NLGN1: variants seen among roughly 807,000 people sequenced by gnomAD.
NLGN1 encodes the protein neuroligin 1.
NLGN1 carries 12 observed loss-of-function variants against 65.5 expected under a neutral mutation model. That is an observed-to-expected ratio of 0.18 (90% CI 0.12 to 0.30). NLGN1 has a LOEUF of 0.30. NLGN1 is among the 10% of genes least tolerant of loss of function. The pLI, the probability that NLGN1 is intolerant of heterozygous loss-of-function variation, is 1.00. For missense variants in NLGN1, 750 were observed against 1,007.1 expected (o/e 0.74, Z 3.46); for synonymous variants, 350 against 359.5 (o/e 0.97, Z 0.30).
At chr3:173,788,833 T>TAAAAA (rs3979635) in intron 3 of NLGN1, among the ~76,000 whole-genome samples, 2 of 53,536 alleles carry the variant, frequency 3.7e-5, no homozygotes, top group African/African-American at 6.9e-5. Flanking sequence ...AGACCTCATT[T>TAAAAA]AAAAAAAAAA....
At chr3:174,175,647 A>C (rs950054718) in intron 4 of NLGN1, among the ~76,000 whole-genome samples, 5 of 151,936 alleles carry the variant, frequency 3.3e-5, no homozygotes, top group Non-Finnish European at 7.4e-5. Flanking sequence ...ATTCCATCTC[A>C]CACACACTGA....
chr3:174,147,472 T>C (rs898402773), intron 4 of NLGN1, among the ~76,000 whole-genome samples: 1 of 145,916 alleles, frequency 6.9e-6, no homozygotes, highest in African/African-American at 2.6e-5. Flanking sequence ...TTGCTCTTTT[T>C]GCTCAGGCTG....
intron 4 of NLGN1, among the ~76,000 whole-genome samples, chr3:174,206,730 A>T (rs887980167): frequency 6.6e-6 from 1 of 152,170 alleles, no homozygotes; most frequent in South Asian, 2.1e-4. Flanking sequence ...TATTCTGAAG[A>T]CCTGTGTGGA....
chr3:174,263,167 T>C (rs1363544633), intron 4 of NLGN1, among the ~76,000 whole-genome samples: 2 of 150,780 alleles, frequency 1.3e-5, no homozygotes, highest in Non-Finnish European at 2.9e-5. Context: ...TTCTGTTGAT[T>C]TGGGAGGGAG....
intron 4 of NLGN1, among the ~76,000 whole-genome samples, chr3:174,248,880 A>G (rs534122249): frequency 2.3e-4 from 35 of 152,336 alleles, no homozygotes; most frequent in African/African-American, 8.2e-4. Context: ...CCAATATACA[A>G]TTTTCATATT....
chr3:173,936,531 G>A (rs1008292597), intron 4 of NLGN1, among the ~76,000 whole-genome samples: 1 of 151,970 alleles, frequency 6.6e-6, no homozygotes, highest in African/African-American at 2.4e-5. Context: ...GGCAACCCTT[G>A]GACGTTATTA....
intron 5 of NLGN1, among the ~76,000 whole-genome samples, chr3:174,277,819 G>A (rs1461353700): frequency 2.0e-5 from 3 of 151,728 alleles, no homozygotes; most frequent in Admixed American, 6.6e-5. Flanking sequence ...ACACCTTTGT[G>A]AAAAGAGTTT....
At chr3:173,619,506 A>C (rs1345065776) in intron 3 of NLGN1, among the ~76,000 whole-genome samples, 1 of 152,212 alleles carries the variant, frequency 6.6e-6, no homozygotes, top group Non-Finnish European at 1.5e-5. Context: ...AATCATTATT[A>C]TAATAGCTAC....
intron 4 of NLGN1, among the ~76,000 whole-genome samples, chr3:174,091,554 G>A (rs954809108): frequency 6.6e-6 from 1 of 152,126 alleles, no homozygotes; most frequent in African/African-American, 2.4e-5. Flanking sequence ...ACAAATTAAC[G>A]AAGAGGTCAT....
At chr3:173,715,289 A>G (rs534664150) in intron 3 of NLGN1, among the ~76,000 whole-genome samples, 2 of 152,326 alleles carry the variant, frequency 1.3e-5, no homozygotes, top group South Asian at 2.1e-4. Flanking sequence ...CTCATGTTCC[A>G]TGGCCTTTAA....
intron 4 of NLGN1, among the ~76,000 whole-genome samples, chr3:174,134,295 G>A (rs1720793797): frequency 6.6e-6 from 1 of 152,150 alleles, no homozygotes; most frequent in Non-Finnish European, 1.5e-5. Flanking sequence ...AAAACCAACA[G>A]CGCTTTTGTG....
At chr3:173,445,028 GGAGGCC>G (rs1221481321) in intron 2 of NLGN1, among the ~76,000 whole-genome samples, 1 of 151,768 alleles carries the variant, frequency 6.6e-6, no homozygotes, top group African/African-American at 2.4e-5. Flanking sequence ...CAGCACTTTG[GGAGGCC>G]GAGGCGGGCG....
intron 1 of NLGN1, among the ~76,000 whole-genome samples, chr3:173,414,437 A>G (rs1317396679): frequency 6.6e-6 from 1 of 152,166 alleles, no homozygotes; most frequent in Non-Finnish European, 1.5e-5. Flanking sequence ...GACTTAAGTA[A>G]GGGGTCAGTG....
At chr3:173,790,486 C>A (rs911732237) in intron 3 of NLGN1, among the ~76,000 whole-genome samples, 1 of 152,036 alleles carries the variant, frequency 6.6e-6, no homozygotes, top group African/African-American at 2.4e-5. Context: ...AGGTATTTCA[C>A]GTTTAGAATA....
At chr3:173,504,064 A>G (rs1252217342) in intron 2 of NLGN1, among the ~76,000 whole-genome samples, 2 of 152,114 alleles carry the variant, frequency 1.3e-5, no homozygotes, top group African/African-American at 2.4e-5. Context: ...TAAACTGCCA[A>G]TTAATCTTGA....
intron 1 of NLGN1, among the ~76,000 whole-genome samples, chr3:173,415,908 G>T (rs199744987): frequency 0.058 from 7,231 of 123,976 alleles, 227 homozygotes; most frequent in Admixed American, 0.078. Flanking sequence ...TATATATAGA[G>T]AGAGAGAGAG....
At chr3:173,595,304 C>A (rs150009769) in intron 2 of NLGN1, among the ~76,000 whole-genome samples, 108 of 152,232 alleles carry the variant, frequency 7.1e-4, no homozygotes, top group Non-Finnish European at 1.3e-3. Context: ...CCTAAATCAT[C>A]CCTCTCAAGT....
At chr3:174,033,142 C>T (rs181278756) in intron 4 of NLGN1, among the ~76,000 whole-genome samples, 8 of 152,108 alleles carry the variant, frequency 5.3e-5, no homozygotes, top group East Asian at 3.9e-4. Flanking sequence ...ACTGTACCAC[C>T]GCGCCACGGG....
chr3:173,547,521 A>G (rs1374197837), intron 2 of NLGN1, among the ~76,000 whole-genome samples: 2 of 152,114 alleles, frequency 1.3e-5, no homozygotes, highest in Non-Finnish European at 2.9e-5. Flanking sequence ...TAATTTTCTC[A>G]ATTTATCCAA....
Sources: gnomAD v4.1 joint callset for allele counts (sites outside exome capture counted in the v4.1 genomes callset) on GRCh38, gnomAD v4.1.1 for gene constraint, MANE v1.5 for transcripts, NCBI Gene and HGNC (gene_info 2026-07-23, HGNC 2026-07-21) for gene names.